Variants in BRD4 observed in about 807,000 individuals in gnomAD.
BRD4 encodes the protein bromodomain-containing protein 4.
In BRD4, 16 loss-of-function variants were observed where a neutral mutation model predicts 142.1. The observed-to-expected ratio is 0.11, with a 90% confidence interval of 0.08 to 0.17. The LOEUF (loss-of-function observed/expected upper bound fraction) is 0.17. Ranked by LOEUF, BRD4 falls within the 10% of genes least tolerant of loss-of-function variation. BRD4 has a pLI of 1.00. For synonymous variants in BRD4, 833 were observed against 707.5 expected (o/e 1.18, Z -2.82); for missense variants, 1,424 against 1,810.9 (o/e 0.79, Z 3.88).
intron 1 of BRD4, among the ~76,000 whole-genome samples, chr19:15,295,438 T>C (rs1441994326): frequency 6.6e-6 from 1 of 152,212 alleles, no homozygotes; most frequent in Non-Finnish European, 1.5e-5. Flanking sequence ...CCTCCATTTT[T>C]GCTAATTTCA....
chr19:15,315,854 G>A (rs919288238), intron 1 of BRD4, among the ~76,000 whole-genome samples: 1 of 149,956 alleles, frequency 6.7e-6, no homozygotes, highest in Non-Finnish European at 1.5e-5. Flanking sequence ...TCAAAAAAAA[G>A]CACCTCAAGA....
chr19:15,326,588 G>A lies in BRD4; in HGVS notation c.-35+5702C>T, dbSNP rs927357640. On this transcript the variant is annotated intron_variant, in intron 1 of 19. Coordinates refer to ENST00000679869, the MANE Select transcript of BRD4 (RefSeq NM_001379291.1). ...CTGGAAGGAAAGAAAATGGGATTAAGAGATCATTTTTAACCATCATTTTAA... is the reference window on the plus strand; with the variant it reads ...CTGGAAGGAAAGAAAATGGGATTAAAAGATCATTTTTAACCATCATTTTAA... Among the ~76,000 whole-genome samples, 7 of 152,192 alleles carry A rather than the reference G, an allele frequency of 4.6e-5. No homozygotes were observed. In the South Asian group the frequency reaches 1.4e-3, roughly 31 times the overall value.
At chr19:15,255,929 T>C (rs1197444388) in intron 9 of BRD4, 135 bp downstream of exon 9, 2 of 1,184,400 alleles carry the variant, frequency 1.7e-6, no homozygotes, top group Non-Finnish European at 2.4e-6. Flanking sequence ...GCCACCAGCC[T>C]GGCCTGTGAA....
At chr19:15,274,142 T>G (rs1322572637) in intron 1 of BRD4, among the ~76,000 whole-genome samples, 3 of 152,152 alleles carry the variant, frequency 2.0e-5, no homozygotes, top group South Asian at 2.1e-4. Flanking sequence ...AAGCCACATA[T>G]CAGCTTGCTG....
At chr19:15,318,116 T>C (rs560320716) in intron 1 of BRD4, among the ~76,000 whole-genome samples, 6 of 152,272 alleles carry the variant, frequency 3.9e-5, no homozygotes, top group African/African-American at 1.4e-4. Context: ...TTTCTCTTAA[T>C]TACAAAATAG....
rs1401413474 is a variant in BRD4, at chr19:15,254,251, C to T, written c.2059G>A (p.Asp687Asn). Reference sequence around the variant, plus strand: ...ATCTTGGAGGAGCCGGCAATCACATCAACTTTCTCAGCTGCAATCCAAGCA... The same window carrying T: ...ATCTTGGAGGAGCCGGCAATCACATTAACTTTCTCAGCTGCAATCCAAGCA... ...KKRKPQAEKV[D>N]VIAGSSKMKG... is the part of the protein sequence containing the mutation. Residue 687 changes from aspartate to asparagine, a missense_variant, in exon 11 of 20, where the codon GAT becomes AAT. Asp to Asn is a conservative substitution (Grantham distance 23, BLOSUM62 1). Around this residue, in one of 16 missense-constraint regions of BRD4, gnomAD observed 598 missense variants for 647.8 expected, o/e 0.92. Transcript: ENST00000679869. 6.2e-7 allele frequency: 1 copy of T among 1,614,166 alleles called. No homozygotes were observed. The highest frequency in any genetic ancestry group is 8.5e-7 in the Non-Finnish European group (1 of 1,180,014).
Position 15,243,001 on chromosome 19 carries a change from G to A in BRD4, c.3068C>T (p.Pro1023Leu). 2 of 1,553,974 alleles carry A rather than the reference G, an allele frequency of 1.3e-6. No homozygotes were observed. Among genetic ancestry groups the A allele is most frequent in the South Asian group, 2.4e-5 (2 of 84,752 alleles). ...CGGCGGGGGTGGCTGCTGGCCTGGG[G>A]GCGGATGGGGGGGCTGCTGGCCCTG... is the stretch of plus-strand genomic sequence containing the variant. ...PPQGQQPPHPPPGQQPPPPQP... is the reference protein window; with the variant it reads ...PPQGQQPPHPLPGQQPPPPQP... Residue 1023 changes from proline (P) to leucine (L), a missense_variant, in exon 14 of 20, where the codon CCC becomes CTC. This residue lies in a region of BRD4 where 598 missense variants were observed against 647.8 expected (regional missense o/e 0.92). Coordinates refer to ENST00000679869, the MANE Select transcript of BRD4 (RefSeq NM_001379291.1).
chr19:15,241,163 A>T (rs1318634276), intron 14 of BRD4, among the ~76,000 whole-genome samples: 1 of 152,200 alleles, frequency 6.6e-6, no homozygotes, highest in Non-Finnish European at 1.5e-5. Context: ...CCTGGCGTTG[A>T]CATCTCCTCC....
chr19:15,287,147 CAT>C (rs754982163), intron 1 of BRD4, among the ~76,000 whole-genome samples: 7 of 152,032 alleles, frequency 4.6e-5, no homozygotes, highest in Non-Finnish European at 8.8e-5. Flanking sequence ...ATGGGGGAAA[CAT>C]ATGGGAAATC....
intron 11 of BRD4, chr19:15,249,350 T>TCAC: frequency 5.6e-6 from 9 of 1,613,402 alleles, no homozygotes; most frequent in Non-Finnish European, 6.8e-6. Context: ...ACCATTTAAG[T>TCAC]CACAAGAACA....
chr19:15,330,705 T>G (rs2048149457), intron 1 of BRD4, among the ~76,000 whole-genome samples: 1 of 152,166 alleles, frequency 6.6e-6, no homozygotes, highest in Non-Finnish European at 1.5e-5. Context: ...AGGCAGAGGT[T>G]GCAGTGAGCC....
intron 7 of BRD4, among the ~76,000 whole-genome samples, chr19:15,257,850 A>G (rs1385077915): frequency 6.6e-6 from 1 of 152,122 alleles, no homozygotes; most frequent in Non-Finnish European, 1.5e-5. Flanking sequence ...AGGCTACAGG[A>G]GGGAGCCACT....
At chr19:15,307,732 G>A (rs1437030246) in intron 1 of BRD4, among the ~76,000 whole-genome samples, 1 of 152,072 alleles carries the variant, frequency 6.6e-6, no homozygotes, top group African/African-American at 2.4e-5. Flanking sequence ...TATATTGCAT[G>A]GTGCCAATCA....
chr19:15,328,738 C>G (rs1430441896), intron 1 of BRD4, among the ~76,000 whole-genome samples: 1 of 152,162 alleles, frequency 6.6e-6, no homozygotes, highest in East Asian at 1.9e-4. Context: ...CAAAGCCAAG[C>G]AAACAAAACC....
intron 1 of BRD4, among the ~76,000 whole-genome samples, chr19:15,329,848 TAAAGCA>T (rs1368766404): frequency 1.3e-5 from 2 of 152,210 alleles, no homozygotes; most frequent in African/African-American, 4.8e-5. Flanking sequence ...CCCCACCTCC[TAAAGCA>T]AAAGTGCAAT....
chr19:15,245,235 C>T (rs773229365), intron 11 of BRD4, among the ~76,000 whole-genome samples: 20 of 152,126 alleles, frequency 1.3e-4, no homozygotes, highest in South Asian at 4.2e-4. Context: ...GGCTAAAAAG[C>T]AGCTTCTCGG....
intron 1 of BRD4, among the ~76,000 whole-genome samples, chr19:15,303,007 CA>C (rs1213995194): frequency 0.15 from 8,729 of 57,910 alleles, 248 homozygotes; most frequent in Admixed American, 0.23. Context: ...GACTCCGTCG[CA>C]AAAAAAAAAA....
Position 15,264,728 on chromosome 19 carries a change from G to A in BRD4, c.888C>T (p.Thr296=), listed in dbSNP as rs775469076. 2 of 1,611,444 alleles carry A rather than the reference G, an allele frequency of 1.2e-6. No individual in the cohort carries two copies. The highest frequency in any genetic ancestry group is 1.7e-6 in the Non-Finnish European group (2 of 1,179,032). ...KGVKRKADTT[T]PTTIDPIHEP... is the part of the protein sequence containing the mutation. The stretch of plus-strand genomic sequence containing the variant: ...CGTGAATGGGGTCAATGGTGGTGGG[G>A]GTGGTGGTGTCTGCTTTCCTCTTCA... Residue 296 remains threonine (T), a synonymous_variant, in exon 6 of 20, where the codon ACC becomes ACT. Transcript: ENST00000679869.
chr19:15,276,343 G>C (rs2047646203), intron 1 of BRD4, among the ~76,000 whole-genome samples: 1 of 152,176 alleles, frequency 6.6e-6, no homozygotes, highest in Non-Finnish European at 1.5e-5. Context: ...CTCCTTGGGC[G>C]AATTCTTCCC....
Sources: gnomAD v4.1 joint callset for allele counts (sites outside exome capture counted in the v4.1 genomes callset) on GRCh38, gnomAD v4.1.1 for gene constraint, gnomAD v4.1.1 regional missense constraint, MANE v1.5 for transcripts, NCBI Gene and HGNC (gene_info 2026-07-23, HGNC 2026-07-21) for gene names.